The following LARP4B variants were observed in gnomAD, a reference collection of about 807,000 sequenced individuals.
The protein encoded by LARP4B is la-related protein 4B.
A neutral mutation model predicts 89.8 loss-of-function variants in LARP4B; 12 were observed. That is an observed-to-expected ratio of 0.13 (90% CI 0.09 to 0.22). LARP4B has a LOEUF of 0.22. Among genes scored for constraint, LARP4B ranks in the 10% least tolerant of loss-of-function variants. The pLI is 1.00. For missense variants in LARP4B, 757 were observed against 947.7 expected (o/e 0.80, Z 2.64); for synonymous variants, 367 against 363.3 (o/e 1.01, Z -0.12).
At chr10:908,345 C>T (rs564149531) in intron 1 of LARP4B, among the ~76,000 whole-genome samples, 107 of 152,322 alleles carry the variant, frequency 7.0e-4, no homozygotes, top group East Asian at 9.6e-4. Context: ...CCACACATCT[C>T]GTCATCTGCA....
chr10:909,797 A>G (rs1836618298), intron 1 of LARP4B, among the ~76,000 whole-genome samples: 1 of 152,124 alleles, frequency 6.6e-6, no homozygotes, highest in Admixed American at 6.5e-5. Context: ...AAAAAAAAAA[A>G]GAATTTAAGT....
chr10:827,072 A>G (rs192321278), intron 11 of LARP4B, among the ~76,000 whole-genome samples: 260 of 152,252 alleles, frequency 1.7e-3, no homozygotes, highest in Middle Eastern at 6.8e-3. Context: ...TCAGGAGATC[A>G]AGACCATCCT....
intron 1 of LARP4B, among the ~76,000 whole-genome samples, chr10:929,049 T>G (rs1372852063): frequency 1.3e-5 from 2 of 152,224 alleles, no homozygotes; most frequent in Non-Finnish European, 2.9e-5. Flanking sequence ...CCAAATTACA[T>G]TTCTCCCTGA....
intron 1 of LARP4B, among the ~76,000 whole-genome samples, chr10:896,642 A>G (rs997956394): frequency 1.3e-5 from 2 of 152,198 alleles, no homozygotes; most frequent in Non-Finnish European, 2.9e-5. Context: ...TTATAATATT[A>G]ATTGATTCTT....
At position 814,682 on chromosome 10, in the gene LARP4B, C is replaced by A; in HGVS notation, c.1929+60G>T. The A allele has an allele frequency of 6.4e-7, 1 of 1,554,572 alleles. No homozygotes were observed. The highest frequency in any genetic ancestry group is 8.7e-7 in the Non-Finnish European group (1 of 1,148,586). On this transcript the variant is annotated intron_variant, in intron 17 of 17. Coordinates refer to ENST00000316157, the MANE Select transcript of LARP4B (RefSeq NM_015155.3). This position sits in a 1 kb window ranked among gnomAD's most constrained non-coding sequence, Gnocchi z 4.4. The stretch of plus-strand genomic sequence containing the variant: ...AACGAGCAGGTGCAGGAGTGCGCAG[C>A]GTCTGTTCACACCAGAGCCTCGCGG...
intron 13 of LARP4B, 139 bp from the exon 14 acceptor site, chr10:820,984 A>G (rs1832323323): frequency 1.4e-6 from 1 of 730,058 alleles, no homozygotes; most frequent in African/African-American, 1.8e-5. Flanking sequence ...ATGACTTTCA[A>G]TTCTAAAATC....
chr10:892,745 T>A, intron 1 of LARP4B, among the ~76,000 whole-genome samples: 1 of 152,028 alleles, frequency 6.6e-6, no homozygotes, highest in South Asian at 2.1e-4. Flanking sequence ...TTCACCGTGT[T>A]AGCCAGGATG....
chr10:947,755 G>A, the LARP4B span, among the ~76,000 whole-genome samples: 5 of 152,030 alleles, frequency 3.3e-5, no homozygotes, highest in South Asian at 6.2e-4. Context: ...CCAAGTAGCT[G>A]GGATTACAGG....
the LARP4B span, among the ~76,000 whole-genome samples, chr10:981,083 C>A: frequency 6.6e-6 from 1 of 152,240 alleles, no homozygotes; most frequent in Non-Finnish European, 1.5e-5. Context: ...TTAGTTCAAA[C>A]TTCCACAGAT....
chr10:918,819 G>A (rs907632633), intron 1 of LARP4B, among the ~76,000 whole-genome samples: 2 of 152,144 alleles, frequency 1.3e-5, no homozygotes, highest in African/African-American at 4.8e-5. Flanking sequence ...GCTCACGCCT[G>A]TAATCCCAGC....
In LARP4B at chr10:884,707, T is replaced by C. The variant is rs145068409; in HGVS notation, c.82-201A>G. 1.4e-3 allele frequency among the ~76,000 whole-genome samples: 219 copies of C among 152,322 alleles called. 2 individuals carry two copies. The highest frequency in any genetic ancestry group is 5.0e-3 in the African/African-American group (209 of 41,570). On this transcript the variant is annotated intron_variant, in intron 2 of 17. Transcript: ENST00000316157. The stretch of plus-strand genomic sequence containing the variant: ...AATGAACATCATAGATAAAGTTCTT[T>C]GTAGATTCAATGGGGAAAACTAAGA...
chr10:917,710 A>G (rs1199147684), intron 1 of LARP4B, among the ~76,000 whole-genome samples: 1 of 152,270 alleles, frequency 6.6e-6, no homozygotes, highest in Non-Finnish European at 1.5e-5. Context: ...TATTACCAGC[A>G]TAGTCCTTGG....
At chr10:932,327 C>A (rs1393465497), upstream of LARP4B, among the ~76,000 whole-genome samples, 147 of 124,246 alleles carry the variant, frequency 1.2e-3, no homozygotes, top group Middle Eastern at 5.6e-3. Flanking sequence ...ACCCGGGACC[C>A]AGGCCCCGGC....
At chr10:900,174 C>T (rs1285234878) in intron 1 of LARP4B, among the ~76,000 whole-genome samples, 3 of 151,968 alleles carry the variant, frequency 2.0e-5, no homozygotes, top group South Asian at 2.1e-4. Context: ...GATGAAACCC[C>T]GTCTCTCCTA....
chr10:870,457 G>GT (rs1386142092), intron 3 of LARP4B, among the ~76,000 whole-genome samples: 2 of 152,180 alleles, frequency 1.3e-5, no homozygotes, highest in Non-Finnish European at 2.9e-5. Flanking sequence ...GGGCACCTGT[G>GT]TATCTGTCCG....
chr10:969,370 C>A, the LARP4B span, among the ~76,000 whole-genome samples: 1 of 152,128 alleles, frequency 6.6e-6, no homozygotes, highest in Non-Finnish European at 1.5e-5. Context: ...AAGGGCTCTT[C>A]TTGACTTTTA....
the LARP4B span, among the ~76,000 whole-genome samples, chr10:981,392 C>T: frequency 6.6e-6 from 1 of 152,196 alleles, no homozygotes; most frequent in Admixed American, 6.5e-5. Context: ...ATGCTCCACT[C>T]GTTGGTACCA....
At chr10:871,863 TA>T (rs1835217975) in intron 3 of LARP4B, among the ~76,000 whole-genome samples, 1 of 152,184 alleles carries the variant, frequency 6.6e-6, no homozygotes, top group Non-Finnish European at 1.5e-5. Context: ...GTGATAGAGT[TA>T]TTTTCTCTCT....
intron 3 of LARP4B, among the ~76,000 whole-genome samples, chr10:868,495 C>A (rs1158086786): frequency 6.6e-6 from 1 of 151,932 alleles, no homozygotes; most frequent in African/African-American, 2.4e-5. Context: ...TTTGGGAATA[C>A]CTCATAATGG....
Sources: gnomAD v4.1 joint callset for allele counts (sites outside exome capture counted in the v4.1 genomes callset) on GRCh38, gnomAD v4.1.1 for gene constraint, Gnocchi (gnomAD v3.1) non-coding constraint, MANE v1.5 for transcripts, NCBI Gene and HGNC (gene_info 2026-07-23, HGNC 2026-07-21) for gene names.